Variants in ERBB4 observed in about 807,000 individuals in gnomAD.
ERBB4 encodes receptor tyrosine-protein kinase erbB-4.
A neutral mutation model predicts 158.0 loss-of-function variants in ERBB4; 42 were observed. That is an observed-to-expected ratio of 0.27 (90% CI 0.21 to 0.34). ERBB4 has a LOEUF of 0.34. ERBB4 is among the 10% of genes least tolerant of loss of function. The pLI is 1.00. For missense variants in ERBB4, 1,333 were observed against 1,624.1 expected (o/e 0.82, Z 3.08); for synonymous variants, 583 against 558.7 (o/e 1.04, Z -0.61).
intron 11 of ERBB4, among the ~76,000 whole-genome samples, 186 bp downstream of exon 11, chr2:211,703,918 A>G (rs1283231894): frequency 1.3e-5 from 2 of 152,206 alleles, no homozygotes; most frequent in African/African-American, 4.8e-5. Flanking sequence ...AAATCAAAGT[A>G]TGTATTCTGT....
At chr2:211,564,498 C>T (rs951366319) in intron 19 of ERBB4, among the ~76,000 whole-genome samples, 1 of 152,152 alleles carries the variant, frequency 6.6e-6, no homozygotes, top group South Asian at 2.1e-4. Flanking sequence ...ACGATTTCTT[C>T]CATTCCATCT....
rs186834116 is a variant in ERBB4 at position 212,000,183 on chromosome 2, G to C, written c.235-52567C>G. On this transcript the variant is annotated intron_variant, in intron 2 of 27. Transcript: ENST00000342788. ...GAATGTATCAAATATATATTATTTT[G>C]ATATTCATCAATATTGCCTCTGACA... Among the ~76,000 whole-genome samples the C allele has an allele frequency of 3.6e-3, 553 of 151,724 alleles. 3 individuals carry two copies. Among genetic ancestry groups the C allele is most frequent in the Non-Finnish European group, 5.1e-3 (344 of 67,688 alleles).
intron 1 of ERBB4, among the ~76,000 whole-genome samples, chr2:212,208,032 T>A (rs528269907): frequency 6.6e-6 from 1 of 152,298 alleles, no homozygotes; most frequent in East Asian, 1.9e-4. Flanking sequence ...GTTATTGTAA[T>A]ACATAAAAAA....
chr2:212,485,175 G>A (rs760016995), intron 1 of ERBB4, among the ~76,000 whole-genome samples: 38 of 152,100 alleles, frequency 2.5e-4, no homozygotes, highest in South Asian at 4.1e-4. Flanking sequence ...TCCAGTCACC[G>A]GAGTTCCAGG....
At chr2:211,829,858 T>G (rs1054995399) in intron 3 of ERBB4, among the ~76,000 whole-genome samples, 1 of 152,196 alleles carries the variant, frequency 6.6e-6, no homozygotes, top group Non-Finnish European at 1.5e-5. Flanking sequence ...AATGGATGAC[T>G]TATCATAAAA....
At chr2:212,237,998 T>A (rs1418516262) in intron 1 of ERBB4, among the ~76,000 whole-genome samples, 1 of 152,228 alleles carries the variant, frequency 6.6e-6, no homozygotes, top group Non-Finnish European at 1.5e-5. Context: ...AGCCAGTGGA[T>A]TTTAGCTTGC....
At chr2:211,590,684 G>A (rs993930361) in intron 19 of ERBB4, among the ~76,000 whole-genome samples, 1 of 152,040 alleles carries the variant, frequency 6.6e-6, no homozygotes, top group African/African-American at 2.4e-5. Flanking sequence ...AGACTGATTC[G>A]AGTAACGATA....
intron 19 of ERBB4, among the ~76,000 whole-genome samples, chr2:211,603,926 C>T (rs1318468228): frequency 1.3e-5 from 2 of 152,186 alleles, no homozygotes; most frequent in Non-Finnish European, 2.9e-5. Context: ...TGGGTTCCAC[C>T]AGCTTTCCAT....
At chr2:211,695,781 C>T (rs2072994556) in intron 12 of ERBB4, among the ~76,000 whole-genome samples, 1 of 151,826 alleles carries the variant, frequency 6.6e-6, no homozygotes, top group Non-Finnish European at 1.5e-5. Context: ...CCTTTTTATC[C>T]CCCAAAAGGC....
At chr2:211,811,632 C>A (rs546444387) in intron 3 of ERBB4, among the ~76,000 whole-genome samples, 13 of 152,220 alleles carry the variant, frequency 8.5e-5, no homozygotes, top group African/African-American at 2.9e-4. Context: ...TCCATTCTCC[C>A]CATCACTTTC....
chr2:211,998,047 A>G (rs1377674805), intron 2 of ERBB4, among the ~76,000 whole-genome samples: 1 of 151,798 alleles, frequency 6.6e-6, no homozygotes, highest in Non-Finnish European at 1.5e-5. Context: ...TGATGTTCCC[A>G]GGGGAGGGAT....
At chr2:211,425,235 C>A (rs1309382058) in intron 22 of ERBB4, among the ~76,000 whole-genome samples, 1 of 151,844 alleles carries the variant, frequency 6.6e-6, no homozygotes. Flanking sequence ...GTATAAAATC[C>A]ATTAATTAGA....
intron 1 of ERBB4, among the ~76,000 whole-genome samples, chr2:212,247,451 T>C (rs2084352325): frequency 6.6e-6 from 1 of 152,198 alleles, no homozygotes; most frequent in African/African-American, 2.4e-5. Context: ...GATCTGTGGC[T>C]GAAAATTTCT....
At position 212,294,366 on chromosome 2, in the gene ERBB4, TA is replaced by T. The variant is rs1417561532; in HGVS notation, c.83-169464del. Among the ~76,000 whole-genome samples the T allele has an allele frequency of 4.6e-5, 7 of 152,152 alleles. No individual in the cohort carries two copies. The South Asian group carries it at 1.2e-3, about 27-fold the overall frequency. On this transcript the variant is annotated intron_variant, in intron 1 of 27. Coordinates refer to ENST00000342788, the MANE Select transcript of ERBB4 (RefSeq NM_005235.3). Reference sequence around the variant, plus strand: ...GTCTCTATTTCTACCCAAATAATCTTAAATATATTCAAAGAGGGATTTTATT... The same window carrying T: ...GTCTCTATTTCTACCCAAATAATCTTAATATATTCAAAGAGGGATTTTATT...
intron 20 of ERBB4, among the ~76,000 whole-genome samples, chr2:211,514,585 T>C (rs950722596): frequency 6.6e-6 from 1 of 152,178 alleles, no homozygotes; most frequent in African/African-American, 2.4e-5. Flanking sequence ...TAAACATTTA[T>C]TACACATCTC....
intron 20 of ERBB4, among the ~76,000 whole-genome samples, chr2:211,545,580 T>C (rs977128058): frequency 2.6e-5 from 4 of 152,116 alleles, no homozygotes; most frequent in African/African-American, 9.7e-5. Flanking sequence ...AGGGCTCAAC[T>C]CAGTCTGGCA....
At chr2:211,657,953 T>C in intron 15 of ERBB4, 125 bp from the exon 16 acceptor site, 1 of 1,607,730 alleles carries the variant, frequency 6.2e-7, no homozygotes. Flanking sequence ...CAAGTACCTA[T>C]CCATCAGGCC....
At chr2:211,997,459 C>T (rs2082227164) in intron 2 of ERBB4, among the ~76,000 whole-genome samples, 1 of 151,938 alleles carries the variant, frequency 6.6e-6, no homozygotes, top group Non-Finnish European at 1.5e-5. Flanking sequence ...AACTATGTAC[C>T]TAAAATAAAT....
At chr2:212,250,630 A>G (rs2084495440) in intron 1 of ERBB4, among the ~76,000 whole-genome samples, 1 of 152,020 alleles carries the variant, frequency 6.6e-6, no homozygotes, top group Admixed American at 6.6e-5. Flanking sequence ...ATATTCCAAT[A>G]ACATTCAATC....
Sources: allele counts gnomAD v4.1 joint callset (sites outside exome capture counted in the v4.1 genomes callset), GRCh38; gene constraint gnomAD v4.1.1; transcripts MANE v1.5; gene names NCBI Gene and HGNC (gene_info 2026-07-23, HGNC 2026-07-21).